The following ZNF618 variants were observed in gnomAD, a reference collection of about 807,000 sequenced individuals.
ZNF618 encodes the protein neural precursor cell expressed, developmentally down-regulated 10.
A neutral mutation model predicts 103.0 loss-of-function variants in ZNF618; 34 were observed. The ratio of observed to expected loss-of-function variants is 0.33; its 90% CI spans 0.25 to 0.44. The LOEUF (loss-of-function observed/expected upper bound fraction) is 0.44, where lower values mean the gene tolerates loss of function less well. Ranked by LOEUF, ZNF618 falls within the 20% of genes least tolerant of loss-of-function variation. The probability of loss-of-function intolerance (pLI) is 1.00; values close to 1 mark genes in which losing one functional copy is unlikely to be tolerated. For synonymous variants in ZNF618, 551 were observed against 542.2 expected, an observed-to-expected ratio of 1.02 and a Z score of -0.23; for missense variants, 1,059 against 1,295.4, an observed-to-expected ratio of 0.82 and a Z score of 2.80.
At chr9:114,047,128 T>C (rs771879987) in intron 13 of ZNF618, among the ~76,000 whole-genome samples, 1 of 152,192 alleles carries the variant, frequency 6.6e-6, no homozygotes, top group Non-Finnish European at 1.5e-5. Flanking sequence ...CCCATAAACA[T>C]GTCAAGGAGT....
chr9:113,913,327 TCCC>T (rs1831737206), intron 1 of ZNF618, among the ~76,000 whole-genome samples: 1 of 152,242 alleles, frequency 6.6e-6, no homozygotes, highest in Non-Finnish European at 1.5e-5. Flanking sequence ...AGGATTGCTG[TCCC>T]TCAAAGTCTG....
At chr9:113,880,000 G>A (rs1828365897) in intron 1 of ZNF618, among the ~76,000 whole-genome samples, 1 of 152,112 alleles carries the variant, frequency 6.6e-6, no homozygotes. Flanking sequence ...AAAATAAACA[G>A]CCAATGGCTT....
At chr9:113,920,695 C>T (rs985496540) in intron 1 of ZNF618, among the ~76,000 whole-genome samples, 5 of 152,108 alleles carry the variant, frequency 3.3e-5, no homozygotes, top group African/African-American at 7.2e-5. Flanking sequence ...AGCCACTGTG[C>T]GAGGCCAAGA....
rs150826202 is a variant in ZNF618 at position 114,023,477 on chromosome 9, C to G, written c.845-5256C>G. 6.8e-4 allele frequency among the ~76,000 whole-genome samples: 104 copies of G among 152,234 alleles called. 1 individual carries two copies. In the East Asian group the frequency reaches 0.018, roughly 27 times the overall value. ...ATGTGTGTTATAAACCCAACAATTACTCTTTTAGCTTTAAACAGTAATTTG... is the reference window on the plus strand; with the variant it reads ...ATGTGTGTTATAAACCCAACAATTAGTCTTTTAGCTTTAAACAGTAATTTG... On this transcript the variant is annotated intron_variant, in intron 10 of 14. Coordinates refer to ENST00000374126, the MANE Select transcript of ZNF618 (RefSeq NM_001318042.2).
At chr9:113,984,550 G>A (rs1315191722) in intron 2 of ZNF618, among the ~76,000 whole-genome samples, 1 of 152,220 alleles carries the variant, frequency 6.6e-6, no homozygotes. Context: ...CCCCTACCAG[G>A]ATGCCATGAT....
At chr9:114,023,947 T>C (rs1182265115) in intron 10 of ZNF618, among the ~76,000 whole-genome samples, 1 of 152,200 alleles carries the variant, frequency 6.6e-6, no homozygotes, top group East Asian at 1.9e-4. Flanking sequence ...TCATTGAGCT[T>C]CTTGGATCAT....
intron 1 of ZNF618, among the ~76,000 whole-genome samples, chr9:113,923,039 A>T (rs936729068): frequency 1.3e-5 from 2 of 152,186 alleles, no homozygotes; most frequent in African/African-American, 2.4e-5. Flanking sequence ...ATTTATACCT[A>T]CGTTTTTATT....
chr9:114,050,175 C>T lies in ZNF618; in HGVS notation c.*8C>T. Reference sequence around the variant, plus strand: ...AAATCCAACATGCTTTAAGACTTGACTTCGGGGGAAAAAAAAAGAAAAAGA... The same window carrying T: ...AAATCCAACATGCTTTAAGACTTGATTTCGGGGGAAAAAAAAAGAAAAAGA... On this transcript the variant is annotated 3_prime_UTR_variant, in exon 15 of 15. Transcript: ENST00000374126. 3.3e-6 allele frequency: 5 copies of T among 1,528,318 alleles called. No individual in the cohort carries two copies. Among genetic ancestry groups the T allele is most frequent in the Non-Finnish European group, 4.4e-6 (5 of 1,146,444 alleles). The allele number at this position is 1,528,318 out of a possible 1,614,324, so 94.7% of individuals were successfully genotyped here.
intron 1 of ZNF618, among the ~76,000 whole-genome samples, chr9:113,897,978 A>C (rs1830186552): frequency 6.6e-6 from 1 of 152,062 alleles, no homozygotes; most frequent in African/African-American, 2.4e-5. Context: ...TTTTTAGTAA[A>C]GACAGGATTT....
At chr9:113,941,898 C>T (rs988248388) in intron 1 of ZNF618, among the ~76,000 whole-genome samples, 5 of 152,198 alleles carry the variant, frequency 3.3e-5, no homozygotes, top group African/African-American at 7.2e-5. Context: ...GACCATGAGA[C>T]GCTGGCAGCC....
At chr9:114,029,332 A>G (rs972729520) in intron 11 of ZNF618, among the ~76,000 whole-genome samples, 1 of 152,170 alleles carries the variant, frequency 6.6e-6, no homozygotes, top group African/African-American at 2.4e-5. Context: ...CTGAACATCA[A>G]ATTTTATGTA....
At chr9:113,969,775 C>G (rs903563448) in intron 2 of ZNF618, among the ~76,000 whole-genome samples, 2 of 152,104 alleles carry the variant, frequency 1.3e-5, no homozygotes, top group Admixed American at 6.5e-5. Flanking sequence ...ATGTTAACAC[C>G]CATGCTGCCG....
At chr9:113,947,589 T>C (rs1835162519) in intron 1 of ZNF618, among the ~76,000 whole-genome samples, 1 of 152,190 alleles carries the variant, frequency 6.6e-6, no homozygotes, top group African/African-American at 2.4e-5. Context: ...TAATGACTGT[T>C]GAACTGAACT....
intron 6 of ZNF618, among the ~76,000 whole-genome samples, chr9:114,003,451 A>G (rs12378170): frequency 0.24 from 36,791 of 152,204 alleles, 5,461 homozygotes; most frequent in Middle Eastern, 0.39. Flanking sequence ...CTAACAAACT[A>G]GAAGCCCCCA....
intron 2 of ZNF618, among the ~76,000 whole-genome samples, chr9:113,983,291 A>G (rs777818459): frequency 2.6e-5 from 4 of 152,244 alleles, no homozygotes; most frequent in Non-Finnish European, 5.9e-5. Context: ...AAAGTGATAT[A>G]AGTACTTATG....
intron 9 of ZNF618, among the ~76,000 whole-genome samples, chr9:114,011,911 G>A (rs963703331): frequency 3.9e-5 from 6 of 152,140 alleles, no homozygotes; most frequent in Non-Finnish European, 5.9e-5. Context: ...ATGGGCAGAG[G>A]GAGAATCAAG....
intron 1 of ZNF618, among the ~76,000 whole-genome samples, chr9:113,957,291 C>A (rs1836400573): frequency 6.6e-6 from 1 of 152,226 alleles, no homozygotes; most frequent in Non-Finnish European, 1.5e-5. Context: ...ATCCACCCAA[C>A]AGCCGTGGGA....
intron 1 of ZNF618, among the ~76,000 whole-genome samples, chr9:113,880,206 T>G (rs1347357619): frequency 6.6e-6 from 1 of 152,080 alleles, no homozygotes; most frequent in African/African-American, 2.4e-5. Flanking sequence ...ATGAGGAAAT[T>G]TTGAATTTTT....
chr9:113,976,996 G>A (rs115922394), intron 2 of ZNF618, among the ~76,000 whole-genome samples: 2,036 of 152,268 alleles, frequency 0.013, 42 homozygotes, highest in African/African-American at 0.047. Context: ...ACTGGATCAT[G>A]TAGTTAAAAG....
Sources: allele counts gnomAD v4.1 joint callset (sites outside exome capture counted in the v4.1 genomes callset), GRCh38; gene constraint gnomAD v4.1.1; transcripts MANE v1.5; gene names NCBI Gene and HGNC (gene_info 2026-07-23, HGNC 2026-07-21).